WNT3A: variants seen among roughly 807,000 people sequenced by gnomAD.
WNT3A encodes the protein protein Wnt-3a.
In WNT3A, 17 loss-of-function variants were observed where a neutral mutation model predicts 37.0. That is an observed-to-expected ratio of 0.46 (90% confidence interval 0.31 to 0.69). The LOEUF is 0.69. WNT3A is among the 30% of genes least tolerant of loss of function. The probability of loss-of-function intolerance (pLI) is 0.05; values close to 1 mark genes in which losing one functional copy is unlikely to be tolerated. For missense variants in WNT3A, 411 were observed against 510.2 expected, an observed-to-expected ratio of 0.81 and a Z score of 1.87; for synonymous variants, 187 against 211.0, an observed-to-expected ratio of 0.89 and a Z score of 0.99.
intron 1 of WNT3A, among the ~76,000 whole-genome samples, chr1:228,018,240 C>T (rs2030588512): frequency 6.6e-6 from 1 of 152,138 alleles, no homozygotes; most frequent in African/African-American, 2.4e-5. Context: ...GCCTGTCTGT[C>T]CCTTGTCCCA....
chr1:228,011,912 G>C (rs539963356), intron 1 of WNT3A, among the ~76,000 whole-genome samples: 76 of 152,354 alleles, frequency 5.0e-4, no homozygotes, highest in Middle Eastern at 3.4e-3. Flanking sequence ...ATAACTGCCA[G>C]GATCCGTAGC....
At position 228,008,194 on chromosome 1, in the gene WNT3A, G is replaced by C. The variant is rs918938184; in HGVS notation, c.71+995G>C. Reference sequence around the variant, plus strand: ...GCCCAAGATTGAGGAACACAAGTGGGAGGAATGTGGGCGCGCAGGGCCGGG... The same window carrying C: ...GCCCAAGATTGAGGAACACAAGTGGCAGGAATGTGGGCGCGCAGGGCCGGG... On this transcript the variant is annotated intron_variant, in intron 1 of 3. Transcript: ENST00000284523. The surrounding 1 kb of genome is among the most constrained non-coding windows in gnomAD (Gnocchi z 4.9). 7.2e-5 allele frequency among the ~76,000 whole-genome samples: 11 copies of C among 152,172 alleles called. No individual in the cohort carries two copies. The highest frequency in any genetic ancestry group is 2.7e-4 in the African/African-American group (11 of 41,436).
At chr1:228,044,352 T>C (rs1044310348) in intron 2 of WNT3A, among the ~76,000 whole-genome samples, 1 of 152,176 alleles carries the variant, frequency 6.6e-6, no homozygotes, top group African/African-American at 2.4e-5. Flanking sequence ...TGGACGTCAC[T>C]CAGCTTTCCT....
chr1:228,038,063 G>A lies in WNT3A; in HGVS notation c.314-12593G>A, dbSNP rs535088510. ...TCAAGCGCCCCAGCGGGTCAGCACG[G>A]CGCCCGGCCGCGCGGGCCGCCCGGC... On this transcript the variant is annotated intron_variant, in intron 2 of 3. Coordinates refer to ENST00000284523, the MANE Select transcript of WNT3A (RefSeq NM_033131.4). The surrounding 1 kb of genome is among the most constrained non-coding windows in gnomAD (Gnocchi z 5.7). 5.9e-3 allele frequency among the ~76,000 whole-genome samples: 903 copies of A among 152,120 alleles called. 11 individuals are homozygous for A. Among genetic ancestry groups the A allele is most frequent in the African/African-American group, 0.021 (873 of 41,544 alleles).
chr1:228,028,646 TG>T (rs1426392194), intron 2 of WNT3A, among the ~76,000 whole-genome samples: 2 of 152,186 alleles, frequency 1.3e-5, no homozygotes, highest in Admixed American at 1.3e-4. Context: ...ATTTTAGGAT[TG>T]TTTTTCCTAA....
intron 3 of WNT3A, among the ~76,000 whole-genome samples, chr1:228,056,428 G>T (rs1035901015): frequency 1.3e-5 from 2 of 151,982 alleles, no homozygotes; most frequent in Non-Finnish European, 2.9e-5. Context: ...AAACATTCAG[G>T]TTACAAAAGA....
Position 228,055,177 on chromosome 1 carries a change from AAAATATATATATATATATATATATAT to A in WNT3A, c.580-3807_580-3782del, listed in dbSNP as rs1426143276. 3.1e-3 allele frequency among the ~76,000 whole-genome samples: 128 copies of A among 41,496 alleles called. 9 individuals are homozygous for A. Among genetic ancestry groups the A allele is most frequent in the East Asian group, 8.1e-3 (10 of 1,234 alleles). 27.2% of individuals were successfully genotyped at this position (41,496 alleles called of 152,430 possible). On this transcript the variant is annotated intron_variant, in intron 3 of 3. Coordinates refer to ENST00000284523, the MANE Select transcript of WNT3A (RefSeq NM_033131.4). ...CCGTCCCAAAAAAAAAAAAAAAAAAAAAATATATATATATATATATATATATATATATATATATATATACACACACA... is the reference window on the plus strand; with the variant it reads ...CCGTCCCAAAAAAAAAAAAAAAAAAAATATATATATATATATACACACACA...
chr1:228,016,984 C>A (rs920160567), intron 1 of WNT3A, among the ~76,000 whole-genome samples: 5 of 152,224 alleles, frequency 3.3e-5, no homozygotes, highest in Admixed American at 2.6e-4. Context: ...CTGGGGGTCG[C>A]ATTTCAACAT....
intron 1 of WNT3A, among the ~76,000 whole-genome samples, chr1:228,021,347 G>T (rs2030700592): frequency 6.6e-6 from 1 of 152,212 alleles, no homozygotes. Context: ...CAAAAGCAGA[G>T]CACAGCCTGG....
intron 1 of WNT3A, among the ~76,000 whole-genome samples, chr1:228,010,808 C>T (rs1362250397): frequency 3.3e-5 from 5 of 152,198 alleles, no homozygotes; most frequent in African/African-American, 1.2e-4. Flanking sequence ...GGGCCTCGAG[C>T]TTGTCACTAT....
rs930246953 is a variant in WNT3A at position 228,037,025 on chromosome 1, G to T, written c.314-13631G>T. Among the ~76,000 whole-genome samples, 1 of 152,134 alleles carries T rather than the reference G, an allele frequency of 6.6e-6. No individual in the cohort carries two copies. Among genetic ancestry groups the T allele is most frequent in the Non-Finnish European group, 1.5e-5 (1 of 67,992 alleles). ...GGGCTGGGCCCAGGAGTCCCCCCGG[G>T]CCCTGGCACCTGCCAGATAGGTCGG... On this transcript the variant is annotated intron_variant, in intron 2 of 3. Coordinates refer to ENST00000284523, the MANE Select transcript of WNT3A (RefSeq NM_033131.4). This position sits in a 1 kb window ranked among gnomAD's most constrained non-coding sequence, Gnocchi z 4.1.
chr1:228,060,994 G>C lies in WNT3A; in HGVS notation c.*1529G>C, dbSNP rs1462930101. The C allele has an allele frequency of 6.6e-6, 1 of 152,598 alleles. No individual in the cohort carries two copies. The highest frequency in any genetic ancestry group is 1.5e-5 in the Non-Finnish European group (1 of 68,114). The allele number at this position is 152,598 out of a possible 1,614,324, so 9.5% of individuals were successfully genotyped here. On this transcript the variant is annotated 3_prime_UTR_variant, in exon 4 of 4. Transcript: ENST00000284523. ...TCCGCTTTCCTGGAGCCAATGGCCCGGCCCCTCCTGACTCATCCGCCTGGC... is the reference window on the plus strand; with the variant it reads ...TCCGCTTTCCTGGAGCCAATGGCCCCGCCCCTCCTGACTCATCCGCCTGGC...
rs1007051772 is a variant in WNT3A, at chr1:228,048,845, C to G, written c.314-1811C>G. Among the ~76,000 whole-genome samples the G allele has an allele frequency of 6.5e-4, 99 of 152,270 alleles. 4 individuals carry two copies. The highest frequency in any genetic ancestry group is 2.9e-3 in the Admixed American group (44 of 15,300). On this transcript the variant is annotated intron_variant, in intron 2 of 3. Coordinates refer to ENST00000284523, the MANE Select transcript of WNT3A (RefSeq NM_033131.4). The stretch of plus-strand genomic sequence containing the variant: ...CATTCTTTCAACCTGTCTGGGGAAG[C>G]CTGGCTGGGGTCCTGGCCTCTGCAA...
intron 2 of WNT3A, among the ~76,000 whole-genome samples, chr1:228,036,624 G>A (rs1254932742): frequency 6.6e-6 from 1 of 152,174 alleles, no homozygotes; most frequent in Non-Finnish European, 1.5e-5. Context: ...CCTGCCTGGG[G>A]TAGAAAGCAT....
Position 228,038,676 on chromosome 1 carries a change from A to G in WNT3A, c.314-11980A>G, listed in dbSNP as rs990044672. On this transcript the variant is annotated intron_variant, in intron 2 of 3. Coordinates refer to ENST00000284523, the MANE Select transcript of WNT3A (RefSeq NM_033131.4). The surrounding 1 kb of genome is among the most constrained non-coding windows in gnomAD (Gnocchi z 5.7). ...GGGTGGCCACTGTCCCCACAACTCT[A>G]TGGGTCCCAGGTATGTGGTGGGGGT... Among the ~76,000 whole-genome samples, 3 of 151,980 alleles carry G rather than the reference A, an allele frequency of 2.0e-5. No homozygotes were observed. The highest frequency in any genetic ancestry group is 2.1e-4 in the South Asian group (1 of 4,822).
chr1:228,024,195 G>C (rs781477879), intron 2 of WNT3A, among the ~76,000 whole-genome samples: 1 of 152,162 alleles, frequency 6.6e-6, no homozygotes, highest in Non-Finnish European at 1.5e-5. Context: ...ATTCTGTTTC[G>C]CTTTGCTTGA....
chr1:228,017,973 A>G (rs1261619846), intron 1 of WNT3A, among the ~76,000 whole-genome samples: 1 of 152,216 alleles, frequency 6.6e-6, no homozygotes, highest in African/African-American at 2.4e-5. Context: ...ATACAAAGCA[A>G]GAGAACAGCA....
intron 3 of WNT3A, among the ~76,000 whole-genome samples, chr1:228,056,090 G>A (rs2031679696): frequency 6.6e-6 from 1 of 152,230 alleles, no homozygotes; most frequent in Non-Finnish European, 1.5e-5. Flanking sequence ...GAGACTTCAA[G>A]ACAGTTACCT....
rs1241054684 is a variant in WNT3A at position 228,042,310 on chromosome 1, G to A, written c.314-8346G>A. Among the ~76,000 whole-genome samples the A allele has an allele frequency of 6.6e-6, 1 of 152,140 alleles. No individual in the cohort carries two copies. The highest frequency in any genetic ancestry group is 2.1e-4 in the South Asian group (1 of 4,830). ...ATTTTTTTTACTGTGGTTATTGAGAGTGGGCACCTTGCTTCTTATTCATCT... is the reference window on the plus strand; with the variant it reads ...ATTTTTTTTACTGTGGTTATTGAGAATGGGCACCTTGCTTCTTATTCATCT... On this transcript the variant is annotated intron_variant, in intron 2 of 3. Transcript: ENST00000284523. This position sits in a 1 kb window ranked among gnomAD's most constrained non-coding sequence, Gnocchi z 5.2.
Sources: gnomAD v4.1 joint callset for allele counts (sites outside exome capture counted in the v4.1 genomes callset) on GRCh38, gnomAD v4.1.1 for gene constraint, Gnocchi (gnomAD v3.1) non-coding constraint, MANE v1.5 for transcripts, NCBI Gene and HGNC (gene_info 2026-07-23, HGNC 2026-07-21) for gene names.